SV2C: variants seen among roughly 807,000 people sequenced by gnomAD.
SV2C encodes the protein solute carrier family 22 member B3.
A neutral mutation model predicts 79.7 loss-of-function variants in SV2C; 49 were observed. The observed-to-expected ratio is 0.61, with a 90% confidence interval of 0.49 to 0.78. The LOEUF is 0.78. Ranked by LOEUF, SV2C falls within the 30% of genes least tolerant of loss-of-function variation. The pLI is 0.00. For missense variants in SV2C, 833 were observed against 912.9 expected, an observed-to-expected ratio of 0.91 and a Z score of 1.13; for synonymous variants, 334 against 333.2, an observed-to-expected ratio of 1.00 and a Z score of -0.03.
At chr5:76,305,536 T>G (rs1335420800) in intron 12 of SV2C, among the ~76,000 whole-genome samples, 1 of 152,198 alleles carries the variant, frequency 6.6e-6, no homozygotes, top group African/African-American at 2.4e-5. Context: ...TAAATCTGCA[T>G]AGTCCAGATA....
chr5:76,065,229 C>T, the SV2C span, among the ~76,000 whole-genome samples: 15 of 152,194 alleles, frequency 9.9e-5, no homozygotes, highest in East Asian at 2.9e-3. Flanking sequence ...GTATCCCTTG[C>T]CTGATAAAAT....
At chr5:76,234,141 G>A (rs1239726964) in intron 4 of SV2C, among the ~76,000 whole-genome samples, 1 of 152,120 alleles carries the variant, frequency 6.6e-6, no homozygotes, top group Non-Finnish European at 1.5e-5. Flanking sequence ...TATAGTATAT[G>A]ATATGGTGTG....
chr5:76,281,783 C>T lies in SV2C; in HGVS notation c.914-3379C>T, dbSNP rs568535928. 2.0e-5 allele frequency among the ~76,000 whole-genome samples: 3 copies of T among 152,328 alleles called. 1 individual carries two copies. Among genetic ancestry groups the T allele is most frequent in the South Asian group, 4.1e-4 (2 of 4,826 alleles). On this transcript the variant is annotated intron_variant, in intron 4 of 12. Coordinates refer to ENST00000502798, the MANE Select transcript of SV2C (RefSeq NM_014979.4). Reference sequence around the variant, plus strand: ...TCTCTCCAAACTAATCTCTGCTTCCCTCAACCCATCTCCCTTTCTCATTGT... The same window carrying T: ...TCTCTCCAAACTAATCTCTGCTTCCTTCAACCCATCTCCCTTTCTCATTGT...
At chr5:75,899,039 G>T in the SV2C span, among the ~76,000 whole-genome samples, 2,623 of 151,886 alleles carry the variant, frequency 0.017, 27 homozygotes, top group Middle Eastern at 0.034. Context: ...TCATTAATTT[G>T]TTGAAGGGTT....
chr5:76,113,043 G>A (rs1469093811), intron 1 of SV2C, among the ~76,000 whole-genome samples: 2 of 152,180 alleles, frequency 1.3e-5, no homozygotes, highest in East Asian at 3.8e-4. Context: ...TGTTCGTTTT[G>A]CATCTAGCAC....
the SV2C span, among the ~76,000 whole-genome samples, chr5:76,057,352 A>G: frequency 6.6e-6 from 1 of 151,988 alleles, no homozygotes; most frequent in African/African-American, 2.4e-5. Context: ...TACATTAGGT[A>G]TATCTCCTAA....
chr5:76,243,011 CTAAA>C (rs1745835756), intron 4 of SV2C, among the ~76,000 whole-genome samples: 1 of 30,288 alleles, frequency 3.3e-5, no homozygotes, highest in Non-Finnish European at 5.6e-5. Context: ...GAGACCCCAT[CTAAA>C]AAAAAAAAAA....
At chr5:76,137,504 G>A (rs1169351925) in intron 2 of SV2C, among the ~76,000 whole-genome samples, 1 of 152,116 alleles carries the variant, frequency 6.6e-6, no homozygotes, top group East Asian at 1.9e-4. Flanking sequence ...AAGAGGTCAG[G>A]ACCAGAATGG....
intron 4 of SV2C, among the ~76,000 whole-genome samples, chr5:76,221,598 A>G (rs541149828): frequency 3.9e-5 from 6 of 152,314 alleles, no homozygotes; most frequent in Admixed American, 3.9e-4. Context: ...ATCTGGGCCC[A>G]TTTGAAGGTA....
chr5:75,984,004 C>T, the SV2C span, among the ~76,000 whole-genome samples: 1 of 152,080 alleles, frequency 6.6e-6, no homozygotes, highest in Non-Finnish European at 1.5e-5. Context: ...GCCATCTCGG[C>T]CAGCCCAGCT....
the SV2C span, among the ~76,000 whole-genome samples, chr5:75,888,251 A>G: frequency 5.3e-5 from 8 of 152,194 alleles, no homozygotes; most frequent in East Asian, 1.9e-4. Context: ...TGCTTTGGCC[A>G]CAACCTTGTG....
At chr5:76,292,017 C>A (rs1310107066) in intron 8 of SV2C, among the ~76,000 whole-genome samples, 161 bp downstream of exon 8, 1 of 152,086 alleles carries the variant, frequency 6.6e-6, no homozygotes, top group Non-Finnish European at 1.5e-5. Flanking sequence ...TTTTTATAAA[C>A]CAGTTATTTT....
At chr5:76,347,206 C>A (rs1205704412) in intron 12 of SV2C, among the ~76,000 whole-genome samples, 1 of 152,126 alleles carries the variant, frequency 6.6e-6, no homozygotes, top group Non-Finnish European at 1.5e-5. Flanking sequence ...AGGACAGGGC[C>A]TTTTTACCCC....
intron 1 of SV2C, among the ~76,000 whole-genome samples, chr5:76,121,553 T>C (rs1164572402): frequency 6.6e-6 from 1 of 150,948 alleles, no homozygotes; most frequent in African/African-American, 2.5e-5. Context: ...GTATAAGGTG[T>C]AAGGAAGGGA....
chr5:76,229,054 C>T (rs779982842), intron 4 of SV2C, among the ~76,000 whole-genome samples: 4 of 152,238 alleles, frequency 2.6e-5, no homozygotes, highest in Non-Finnish European at 4.4e-5. Flanking sequence ...TCCCCTCCTC[C>T]CCTGCCCACA....
downstream of SV2C, among the ~76,000 whole-genome samples, chr5:76,336,599 C>T (rs1181595573): frequency 6.6e-6 from 1 of 152,134 alleles, no homozygotes; most frequent in African/African-American, 2.4e-5. Flanking sequence ...CCAGCCTGGG[C>T]ACCACCGAGC....
chr5:76,030,266 G>GGTTTTTTT, the SV2C span, among the ~76,000 whole-genome samples: 14 of 31,966 alleles, frequency 4.4e-4, no homozygotes, highest in African/African-American at 2.0e-3. Context: ...TCAGAGGCTT[G>GGTTTTTTT]TTTTTTTTTT....
At chr5:75,952,185 T>G in the SV2C span, among the ~76,000 whole-genome samples, 1 of 151,928 alleles carries the variant, frequency 6.6e-6, no homozygotes, top group East Asian at 1.9e-4. Context: ...AAAAAAATCA[T>G]GACATTGCTG....
chr5:75,979,269 A>T, the SV2C span, among the ~76,000 whole-genome samples: 9 of 152,138 alleles, frequency 5.9e-5, no homozygotes, highest in Non-Finnish European at 1.2e-4. Context: ...TTAGACTTCC[A>T]TATAGTAATA....
Sources: gnomAD v4.1 joint callset for allele counts (sites outside exome capture counted in the v4.1 genomes callset) on GRCh38, gnomAD v4.1.1 for gene constraint, MANE v1.5 for transcripts, NCBI Gene and HGNC (gene_info 2026-07-23, HGNC 2026-07-21) for gene names.